The following EGFL6 variants were observed in gnomAD, a reference collection of about 807,000 sequenced individuals.
The protein encoded by EGFL6 is EGF like domain multiple 6.
EGFL6 carries 42 observed loss-of-function variants against 43.1 expected under a neutral mutation model. The observed-to-expected ratio is 0.98, with a 90% CI of 0.76 to 1.26. The LOEUF is 1.26. EGFL6 is among the 50% of genes most tolerant of loss of function. The pLI, the probability that EGFL6 is intolerant of heterozygous loss-of-function variation, is 0.00. For synonymous variants in EGFL6, 164 were observed against 163.2 expected, an observed-to-expected ratio of 1.01 and a Z score of -0.04; for missense variants, 429 against 427.8, an observed-to-expected ratio of 1.00 and a Z score of -0.02.
chrX:13,588,283 A>C (rs1440386856), intron 1 of EGFL6, among the ~76,000 whole-genome samples: 2 of 112,530 alleles, frequency 1.8e-5, no homozygotes, highest in Admixed American at 1.9e-4. Flanking sequence ...GCAGATCTTG[A>C]GGGAAATCTA....
intron 1 of EGFL6, among the ~76,000 whole-genome samples, chrX:13,586,160 A>G (rs1034319606): frequency 4.5e-5 from 3 of 66,542 alleles, no homozygotes; most frequent in Non-Finnish European, 9.1e-5. Flanking sequence ...CATGAAAGAC[A>G]CTTAATAGAG....
chrX:13,614,449 A>G (rs1327348121), intron 7 of EGFL6, among the ~76,000 whole-genome samples: 1 of 112,455 alleles, frequency 8.9e-6, no homozygotes, highest in African/African-American at 3.2e-5. Context: ...CTCCCAGATG[A>G]TAGATCATCT....
chrX:13,604,773 A>C (rs1352920949), intron 5 of EGFL6, among the ~76,000 whole-genome samples: 1 of 112,175 alleles, frequency 8.9e-6, no homozygotes, highest in Non-Finnish European at 1.9e-5. Context: ...AAACCAAATC[A>C]GAATGTTGAA....
chrX:13,571,115 CA>C (rs2095271594), intron 1 of EGFL6, among the ~76,000 whole-genome samples: 1 of 92,785 alleles, frequency 1.1e-5, no homozygotes, highest in African/African-American at 3.9e-5. Context: ...CACCCCCCAC[CA>C]CCACCACCAC....
intron 11 of EGFL6, among the ~76,000 whole-genome samples, chrX:13,628,098 C>A (rs1292515694): frequency 9.0e-6 from 1 of 110,932 alleles, no homozygotes; most frequent in East Asian, 2.8e-4. Context: ...ACATTGTTAC[C>A]ATAAACTATC....
intron 11 of EGFL6, among the ~76,000 whole-genome samples, chrX:13,629,417 A>AT (rs1359316837): frequency 2.7e-4 from 29 of 109,047 alleles, no homozygotes; most frequent in Admixed American, 6.9e-4. Context: ...CAAAACAGTG[A>AT]TTTTTTTTTT....
In EGFL6 at chrX:13,608,370, C is replaced by T. The variant is rs758105635; in HGVS notation, c.702C>T (p.Ala234=). ...ATAGCCATACGTGCAGCCACCATGCCAATTGCTTCAATACCCAAGGGTCCT... is the reference window on the plus strand; with the variant it reads ...ATAGCCATACGTGCAGCCACCATGCTAATTGCTTCAATACCCAAGGGTCCT... ...TMDSHTCSHH[A]NCFNTQGSFK... The change falls in exon 7 of 12, where the codon GCC becomes GCT. Residue 234 remains alanine, a synonymous_variant. Coordinates refer to ENST00000361306, the MANE Select transcript of EGFL6 (RefSeq NM_015507.4). 1.4e-4 allele frequency: 164 copies of T among 1,208,993 alleles called. 1 individual carries two copies. The South Asian group carries it at 2.7e-3, about 20-fold the overall frequency.
chrX:13,593,951 G>T (rs1002495670), intron 2 of EGFL6, among the ~76,000 whole-genome samples: 2 of 111,412 alleles, frequency 1.8e-5, no homozygotes, highest in African/African-American at 6.5e-5. Flanking sequence ...CTGGGCAATT[G>T]CTGAGTCATT....
At chrX:13,621,265 G>A (rs2045747119) in intron 9 of EGFL6, among the ~76,000 whole-genome samples, 1 of 112,130 alleles carries the variant, frequency 8.9e-6, no homozygotes, top group Non-Finnish European at 1.9e-5. Flanking sequence ...TTCCACTGTG[G>A]GCAACTGGAG....
chrX:13,598,791 T>A (rs1336547118), intron 3 of EGFL6, among the ~76,000 whole-genome samples: 1 of 105,227 alleles, frequency 9.5e-6, no homozygotes, highest in South Asian at 4.0e-4. Flanking sequence ...TATGTATATA[T>A]TTCATATATA....
chrX:13,627,591 T>C (rs1221663631), intron 11 of EGFL6, among the ~76,000 whole-genome samples: 2 of 112,227 alleles, frequency 1.8e-5, no homozygotes, highest in Non-Finnish European at 3.8e-5. Flanking sequence ...GTCATGCTCA[T>C]TCATTCTATG....
At chrX:13,598,108 A>G (rs1234378488) in intron 3 of EGFL6, among the ~76,000 whole-genome samples, 1 of 112,032 alleles carries the variant, frequency 8.9e-6, no homozygotes, top group Non-Finnish European at 1.9e-5. Flanking sequence ...CTTTCCCAAA[A>G]CACTCTTCCA....
rs2045824645 is a variant in EGFL6 at position 13,633,397 on chromosome X, A to G, written c.*302A>G. ...TAAGTAAGTTGATGAGCTTCTCTCT[A>G]CAACATTTCTAGAAAATAGAAAAAA... On this transcript the variant is annotated 3_prime_UTR_variant, in exon 12 of 12. Transcript: ENST00000361306. 6.0e-6 allele frequency: 1 copy of G among 167,139 alleles called. No homozygotes were observed. Among genetic ancestry groups the G allele is most frequent in the East Asian group, 1.4e-4 (1 of 6,936 alleles). The allele number at this position is 167,139 out of a possible 1,213,427, so 13.8% of individuals were successfully genotyped here. A position where few individuals can be genotyped will look rare whatever the true frequency, so the allele number is the denominator to read the frequency against.
intron 1 of EGFL6, among the ~76,000 whole-genome samples, chrX:13,571,683 A>G (rs917264409): frequency 8.9e-6 from 1 of 112,224 alleles, no homozygotes; most frequent in Admixed American, 9.4e-5. Context: ...GGATTCTGCA[A>G]TTCTGCAGTT....
At chrX:13,631,776 G>GAC (rs1015236394) in intron 11 of EGFL6, among the ~76,000 whole-genome samples, 5 of 111,391 alleles carry the variant, frequency 4.5e-5, no homozygotes, top group Admixed American at 1.9e-4. Context: ...GACAGAGCAA[G>GAC]ACTCCGTCTC....
At chrX:13,614,749 ATTTT>A (rs144356394) in intron 7 of EGFL6, among the ~76,000 whole-genome samples, 1,721 of 94,377 alleles carry the variant, frequency 0.018, 34 homozygotes, top group African/African-American at 0.063. Context: ...CTCCCTCCAT[ATTTT>A]TTTTTTTTTT....
intron 1 of EGFL6, among the ~76,000 whole-genome samples, chrX:13,587,770 T>A (rs1487275828): frequency 8.9e-6 from 1 of 112,308 alleles, no homozygotes; most frequent in East Asian, 2.7e-4. Flanking sequence ...ATGTTTCCAA[T>A]AGACTGTGAA....
Position 13,632,975 on chromosome X carries a change from C to T in EGFL6, c.1552-10C>T, listed in dbSNP as rs1472153986. On this transcript the variant is annotated splice_polypyrimidine_tract_variant and intron_variant, in intron 11 of 11. Transcript: ENST00000361306. ...TTGGAGTAATTTTTTTATTCTCTCT[C>T]CATTATTAGATCATTTTTGAAGCAG... is the stretch of plus-strand genomic sequence containing the variant. 4 of 1,198,664 alleles carry T rather than the reference C, an allele frequency of 3.3e-6. No individual in the cohort carries two copies. In the Admixed American group the frequency reaches 6.7e-5, roughly 20 times the overall value.
At chrX:13,576,643 G>A (rs2045472841) in intron 1 of EGFL6, among the ~76,000 whole-genome samples, 1 of 111,767 alleles carries the variant, frequency 8.9e-6, no homozygotes, top group Non-Finnish European at 1.9e-5. Flanking sequence ...ATTCTGAGTA[G>A]CTATGTAATA....
Sources: gnomAD v4.1 joint callset for allele counts (sites outside exome capture counted in the v4.1 genomes callset) on GRCh38, gnomAD v4.1.1 for gene constraint, MANE v1.5 for transcripts, NCBI Gene and HGNC (gene_info 2026-07-23, HGNC 2026-07-21) for gene names.